Variants in HSD17B11 observed in about 807,000 individuals in gnomAD.
The protein encoded by HSD17B11 is hydroxysteroid 17-beta dehydrogenase 11.
HSD17B11 carries 22 observed loss-of-function variants against 27.8 expected under a neutral mutation model. The ratio of observed to expected loss-of-function variants is 0.79; its 90% CI spans 0.56 to 1.13. The LOEUF is 1.13. HSD17B11 is among the 50% of genes most tolerant of loss of function. The pLI, the probability that HSD17B11 is intolerant of heterozygous loss-of-function variation, is 0.00. For synonymous variants in HSD17B11, 117 were observed against 132.8 expected, an observed-to-expected ratio of 0.88 and a Z score of 0.82; for missense variants, 314 against 351.1, an observed-to-expected ratio of 0.89 and a Z score of 0.84.
intron 5 of HSD17B11, among the ~76,000 whole-genome samples, chr4:87,357,034 A>G (rs189124169): frequency 5.3e-5 from 8 of 152,334 alleles, no homozygotes; most frequent in South Asian, 4.1e-4. Flanking sequence ...TACTCAGGAG[A>G]AGAAAAAAGG....
Position 87,372,823 on chromosome 4 carries a change from T to C in HSD17B11, c.451-8A>G, listed in dbSNP as rs2110125276. 1.3e-6 allele frequency: 2 copies of C among 1,539,180 alleles called. No homozygotes were observed. Among genetic ancestry groups the C allele is most frequent in the Middle Eastern group, 1.7e-4 (1 of 5,938 alleles). On this transcript the variant is annotated splice_polypyrimidine_tract_variant and splice_region_variant and intron_variant, in intron 3 of 6. Transcript: ENST00000358290. ...AAGAAATGCCTTTGTAGTCTACAAA[T>C]AGTTTTTATTAAAAGAGAAAAAATA...
intron 5 of HSD17B11, among the ~76,000 whole-genome samples, chr4:87,356,245 C>A (rs1188144913): frequency 2.0e-5 from 3 of 152,076 alleles, no homozygotes; most frequent in Admixed American, 6.6e-5. Context: ...TACCCTTTGG[C>A]CCAGTAATCC....
chr4:87,382,947 T>C (rs1432347649), intron 1 of HSD17B11, among the ~76,000 whole-genome samples: 9 of 152,214 alleles, frequency 5.9e-5, no homozygotes. Context: ...AATACTGTTA[T>C]TGTTTTGATA....
At chr4:87,357,235 T>C in intron 5 of HSD17B11, 44 bp downstream of exon 5, 2 of 1,594,538 alleles carry the variant, frequency 1.3e-6, no homozygotes, top group South Asian at 1.1e-5. Context: ...ATGGCTGGTA[T>C]TCATAGCAAC....
At chr4:87,388,647 T>C (rs989933844) in intron 1 of HSD17B11, among the ~76,000 whole-genome samples, 1 of 152,262 alleles carries the variant, frequency 6.6e-6, no homozygotes, top group African/African-American at 2.4e-5. Flanking sequence ...TTTTTTTCTT[T>C]ATGCTTAACA....
At chr4:87,342,616 A>T (rs181970685) in intron 5 of HSD17B11, among the ~76,000 whole-genome samples, 1 of 152,110 alleles carries the variant, frequency 6.6e-6, no homozygotes, top group African/African-American at 2.4e-5. Flanking sequence ...CAGAAAAAAA[A>T]TATATTTTGA....
intron 5 of HSD17B11, among the ~76,000 whole-genome samples, chr4:87,345,659 T>A (rs1483445422): frequency 6.6e-6 from 1 of 152,086 alleles, no homozygotes; most frequent in Non-Finnish European, 1.5e-5. Context: ...TAAATAAGAT[T>A]ATAATAGAAT....
At chr4:87,371,840 T>G (rs1344773631) in intron 4 of HSD17B11, among the ~76,000 whole-genome samples, 1 of 152,204 alleles carries the variant, frequency 6.6e-6, no homozygotes, top group Admixed American at 6.5e-5. Flanking sequence ...AGGAGTTCTC[T>G]AAGGGCTAGC....
intron 5 of HSD17B11, among the ~76,000 whole-genome samples, chr4:87,347,103 A>ATTTTTTTTTTTTT (rs763068482): frequency 9.6e-5 from 6 of 62,586 alleles, no homozygotes; most frequent in Admixed American, 1.7e-4. Flanking sequence ...AGTATTCTGG[A>ATTTTTTTTTTTTT]TTTTTTTTTT....
At chr4:87,378,954 A>T (rs1218097901) in intron 2 of HSD17B11, among the ~76,000 whole-genome samples, 3 of 28,038 alleles carry the variant, frequency 1.1e-4, no homozygotes, top group African/African-American at 5.6e-4. Flanking sequence ...ATATTTATAT[A>T]TATATATTTT....
rs148948833 is a variant in HSD17B11 at position 87,337,353 on chromosome 4, G to A, written c.826C>T (p.Arg276Cys). The A allele has an allele frequency of 1.2e-4, 197 of 1,576,976 alleles. 1 individual carries two copies. The highest frequency in any genetic ancestry group is 6.0e-4 in the Middle Eastern group (3 of 5,016). Residue 276 changes from arginine to cysteine, a missense_variant, in exon 7 of 7, where the codon CGT becomes TGT. Arg to Cys is a radical substitution (Grantham distance 180). Coordinates refer to ENST00000358290, the MANE Select transcript of HSD17B11 (RefSeq NM_016245.5). ...TTTCGTTTTAAAACTGCCAGGAAAC[G>A]CTCAGGAAGGATCCTAAAAGAAAGA... ...LTTLERILPE[R>C]FLAVLKRKIS...
At position 87,337,282 on chromosome 4, in the gene HSD17B11, C is replaced by T. The variant is rs762262793; in HGVS notation, c.897G>A (p.Ala299=). 2.6e-5 allele frequency: 41 copies of T among 1,590,278 alleles called. No individual in the cohort carries two copies. Among genetic ancestry groups the T allele is most frequent in the Non-Finnish European group, 2.9e-5 (34 of 1,159,982 alleles). Residue 299 remains alanine (A), a synonymous_variant, in exon 7 of 7, where the codon GCG becomes GCA. Coordinates refer to ENST00000358290, the MANE Select transcript of HSD17B11 (RefSeq NM_016245.5). ...TTTTCAGAAAACTAGGTGCTTATTG[C>T]GCTTTCATTTTATATCCAATAACTG... ...FDAVIGYKMK[A]Q is the part of the protein sequence containing the mutation.
At chr4:87,364,278 A>G (rs956936824) in intron 4 of HSD17B11, among the ~76,000 whole-genome samples, 4 of 151,450 alleles carry the variant, frequency 2.6e-5, no homozygotes, top group Admixed American at 2.0e-4. Context: ...GGGAAAAAAA[A>G]AAAAAAAAGA....
chr4:87,383,922 A>C (rs2110133347), intron 1 of HSD17B11, among the ~76,000 whole-genome samples: 1 of 152,174 alleles, frequency 6.6e-6, no homozygotes, highest in African/African-American at 2.4e-5. Flanking sequence ...ATTGTCAACT[A>C]ATGCACTAAT....
At chr4:87,368,567 A>G (rs1217908725) in intron 4 of HSD17B11, among the ~76,000 whole-genome samples, 1 of 152,056 alleles carries the variant, frequency 6.6e-6, no homozygotes, top group Non-Finnish European at 1.5e-5. Flanking sequence ...AAACAGAACA[A>G]CTCCATCTTG....
At position 87,389,425 on chromosome 4, in the gene HSD17B11, T is replaced by G. The variant is rs533411326; in HGVS notation, c.210+1436A>C. On this transcript the variant is annotated intron_variant, in intron 1 of 6. Transcript: ENST00000358290. ...TTTTGGTAGAAATGGGGTTTCACCA[T>G]GTTAGCCAGGCTGGTCTTGAACTCC... 2.8e-4 allele frequency among the ~76,000 whole-genome samples: 43 copies of G among 152,276 alleles called. No homozygotes were observed. The East Asian group carries it at 6.0e-3, about 21-fold the overall frequency.
chr4:87,381,701 A>G (rs1345595835), intron 2 of HSD17B11, among the ~76,000 whole-genome samples: 2 of 151,234 alleles, frequency 1.3e-5, no homozygotes, highest in African/African-American at 4.9e-5. Context: ...GGAGGTTGCA[A>G]TGAATCGAGA....
At chr4:87,363,974 G>A (rs1321832896) in intron 4 of HSD17B11, among the ~76,000 whole-genome samples, 1 of 152,142 alleles carries the variant, frequency 6.6e-6, no homozygotes, top group Admixed American at 6.5e-5. Context: ...CGGGTAATAA[G>A]AGCTCTGAAA....
intron 2 of HSD17B11, among the ~76,000 whole-genome samples, chr4:87,380,863 CAAAAAAAAAAAAAAAA>C (rs561938045): frequency 1.3e-5 from 1 of 74,700 alleles, no homozygotes. Context: ...GACTCTATCT[CAAAAAAAAAAAAAAAA>C]AAAAAAAAAA....
Sources: gnomAD v4.1 joint callset for allele counts (sites outside exome capture counted in the v4.1 genomes callset) on GRCh38, gnomAD v4.1.1 for gene constraint, MANE v1.5 for transcripts, NCBI Gene and HGNC (gene_info 2026-07-23, HGNC 2026-07-21) for gene names.